Variants in ADGRB1 observed in about 807,000 individuals in gnomAD.
The protein encoded by ADGRB1 is adhesion G protein-coupled receptor B1, also known as brain-specific angiogenesis inhibitor 1.
ADGRB1 carries 36 observed loss-of-function variants against 175.7 expected under a neutral mutation model. The ratio of observed to expected loss-of-function variants is 0.20; its 90% CI spans 0.16 to 0.27. The LOEUF is 0.27. ADGRB1 is among the 10% of genes least tolerant of loss of function. The pLI, the probability that ADGRB1 is intolerant of heterozygous loss-of-function variation, is 1.00. For synonymous variants in ADGRB1, 1,054 were observed against 979.4 expected, an observed-to-expected ratio of 1.08 and a Z score of -1.42; for missense variants, 1,731 against 2,255.3, an observed-to-expected ratio of 0.77 and a Z score of 4.71.
rs766670717 is a variant in ADGRB1 at position 142,478,333 on chromosome 8, C to T, written c.1534C>T (p.Arg512Ter). ...AECQGHWVET[R>*]DCFLQQCPVD... ...GTGCCAGGGCCACTGGGTGGAGACC[C>T]GAGACTGCTTCCTGCAGCAGTGCCC... is the stretch of plus-strand genomic sequence containing the variant. The change falls in exon 7 of 31, where the codon CGA (arginine) becomes TGA (stop). Residue 512 changes from arginine to a stop codon, truncating the protein, a stop_gained. Transcript: ENST00000517894. LOFTEE classifies it high-confidence loss of function. 1.2e-6 allele frequency: 2 copies of T among 1,608,276 alleles called. No individual in the cohort carries two copies. The highest frequency in any genetic ancestry group is 8.5e-7 in the Non-Finnish European group (1 of 1,177,858).
intron 2 of ADGRB1, among the ~76,000 whole-genome samples, chr8:142,469,248 CATGT>C (rs1474894426): frequency 6.7e-6 from 1 of 150,212 alleles, no homozygotes. Context: ...TGCACACATG[CATGT>C]GTGTGAATGT....
At chr8:142,485,708 G>A (rs898696261) in intron 13 of ADGRB1, among the ~76,000 whole-genome samples, 5 of 152,200 alleles carry the variant, frequency 3.3e-5, no homozygotes, top group African/African-American at 9.7e-5. Context: ...CAGAGCACTC[G>A]GCACAGCCCA....
chr8:142,487,759 C>A (rs1010108315), intron 13 of ADGRB1, among the ~76,000 whole-genome samples: 8 of 152,230 alleles, frequency 5.3e-5, no homozygotes, highest in African/African-American at 1.7e-4. Flanking sequence ...CATCCCCATG[C>A]CCATCCACCC....
intron 2 of ADGRB1, among the ~76,000 whole-genome samples, chr8:142,471,530 C>A (rs1840662037): frequency 6.6e-6 from 1 of 152,232 alleles, no homozygotes; most frequent in Non-Finnish European, 1.5e-5. Flanking sequence ...GAAAAGGAAG[C>A]AACAAGACTC....
At chr8:142,490,286 T>C (rs1246557890) in intron 16 of ADGRB1, among the ~76,000 whole-genome samples, 1 of 152,244 alleles carries the variant, frequency 6.6e-6, no homozygotes, top group African/African-American at 2.4e-5. Flanking sequence ...CCTCAGGAGC[T>C]GTGGCCATCT....
intron 1 of ADGRB1, among the ~76,000 whole-genome samples, chr8:142,463,228 G>A (rs777076451): frequency 3.0e-4 from 45 of 152,280 alleles, no homozygotes; most frequent in Admixed American, 9.8e-4. Flanking sequence ...TTTAGGGCAC[G>A]AGGGCACACG....
At chr8:142,508,314 G>T (rs1233255530) in intron 17 of ADGRB1, among the ~76,000 whole-genome samples, 1 of 152,202 alleles carries the variant, frequency 6.6e-6, no homozygotes, top group Non-Finnish European at 1.5e-5. Context: ...GGGGACAGTG[G>T]CTTCTGCCCT....
intron 13 of ADGRB1, among the ~76,000 whole-genome samples, chr8:142,487,459 A>G (rs1408661060): frequency 6.6e-6 from 1 of 152,086 alleles, no homozygotes; most frequent in Non-Finnish European, 1.5e-5. Flanking sequence ...AGTGACATCC[A>G]TGGTGCAAAA....
intron 9 of ADGRB1, among the ~76,000 whole-genome samples, chr8:142,480,605 G>A (rs1420330703): frequency 1.3e-5 from 2 of 152,242 alleles, no homozygotes; most frequent in Non-Finnish European, 2.9e-5. Flanking sequence ...TGCATGCGTG[G>A]CAGGGTCTCC....
Position 142,480,673 on chromosome 8 carries a change from C to T in ADGRB1, c.1829-581C>T, listed in dbSNP as rs369989450. ...AGCATCTGCATCCAGTCCTGTGGCT[C>T]TTGTCAGGTGTCAGGGCTGCGACAG... On this transcript the variant is annotated intron_variant, in intron 9 of 30. Coordinates refer to ENST00000517894, the MANE Select transcript of ADGRB1 (RefSeq NM_001702.3). Among the ~76,000 whole-genome samples the T allele has an allele frequency of 4.1e-3, 625 of 152,350 alleles. 3 individuals are homozygous for T. The highest frequency in any genetic ancestry group is 0.014 in the African/African-American group (567 of 41,582).
chr8:142,520,871 C>T lies in ADGRB1; in HGVS notation c.2970C>T (p.Ser990=). ...RSVILINFCL[S]IISSNALILI... is the part of the protein sequence containing the mutation. ...TCATCCTCATCAACTTCTGCCTGTC[C>T]ATCATCTCCTCCAATGCCCTCATCC... The change falls in exon 20 of 31, where the codon TCC becomes TCT. Residue 990 remains serine (S), a synonymous_variant. Coordinates refer to ENST00000517894, the MANE Select transcript of ADGRB1 (RefSeq NM_001702.3). The T allele has an allele frequency of 6.2e-7, 1 of 1,613,762 alleles. No individual in the cohort carries two copies. The highest frequency in any genetic ancestry group is 1.1e-5 in the South Asian group (1 of 91,086).
chr8:142,530,587 C>T (rs952431591), intron 24 of ADGRB1, among the ~76,000 whole-genome samples: 8 of 152,156 alleles, frequency 5.3e-5, no homozygotes, highest in Admixed American at 2.0e-4. Context: ...CGAGTCGGGG[C>T]GAGGCTAGCC....
chr8:142,458,484 C>T (rs1426591829), intron 1 of ADGRB1, among the ~76,000 whole-genome samples: 3 of 152,140 alleles, frequency 2.0e-5, no homozygotes, highest in Non-Finnish European at 2.9e-5. Context: ...ATCTCAGGCC[C>T]GTTGCTGGCC....
intron 24 of ADGRB1, among the ~76,000 whole-genome samples, chr8:142,529,671 T>TATATGC (rs1343678903): frequency 1.3e-5 from 2 of 151,200 alleles, no homozygotes; most frequent in African/African-American, 4.9e-5. Context: ...TGTGCATCTG[T>TATATGC]GTGTACCTGT....
intron 17 of ADGRB1, among the ~76,000 whole-genome samples, chr8:142,501,866 A>G (rs1287045347): frequency 5.1e-5 from 1 of 19,544 alleles, no homozygotes; most frequent in African/African-American, 2.0e-4. Context: ...TTGACGATGG[A>G]GGTGGGGTGG....
chr8:142,463,549 C>T (rs549886010), intron 1 of ADGRB1, among the ~76,000 whole-genome samples: 3 of 152,188 alleles, frequency 2.0e-5, no homozygotes, highest in Admixed American at 1.3e-4. Context: ...CCAAGGTCAG[C>T]AGGAAAGACA....
Position 142,537,819 on chromosome 8 carries a change from A to G in ADGRB1, c.3666+737A>G, listed in dbSNP as rs1199159636. 2.6e-5 allele frequency among the ~76,000 whole-genome samples: 4 copies of G among 151,966 alleles called. No homozygotes were observed. In the East Asian group the frequency reaches 7.7e-4, roughly 29 times the overall value. On this transcript the variant is annotated intron_variant, in intron 26 of 30. Coordinates refer to ENST00000517894, the MANE Select transcript of ADGRB1 (RefSeq NM_001702.3). The surrounding 1 kb of genome is among the most constrained non-coding windows in gnomAD (Gnocchi z 4.6). The stretch of plus-strand genomic sequence containing the variant: ...CCCCAACAGCCCCCTGTGGAGCCTC[A>G]ACTCTTCCACACCTCGACCTCAGCA...
chr8:142,519,621 A>ATGG (rs757539268), intron 19 of ADGRB1, among the ~76,000 whole-genome samples: 4 of 119,270 alleles, frequency 3.4e-5, no homozygotes, highest in Non-Finnish European at 5.4e-5. Flanking sequence ...GGTGGTGGTG[A>ATGG]TGGTGGTGGT....
chr8:142,514,893 A>T (rs1270579345), intron 18 of ADGRB1, among the ~76,000 whole-genome samples: 1 of 152,108 alleles, frequency 6.6e-6, no homozygotes, highest in Non-Finnish European at 1.5e-5. Flanking sequence ...CTATGACTAG[A>T]GACAGAAATT....
Sources: gnomAD v4.1 joint callset for allele counts (sites outside exome capture counted in the v4.1 genomes callset) on GRCh38, gnomAD v4.1.1 for gene constraint, Gnocchi (gnomAD v3.1) non-coding constraint, MANE v1.5 for transcripts, NCBI Gene and HGNC (gene_info 2026-07-23, HGNC 2026-07-21) for gene names.